The following EVI2B variants were observed in gnomAD, a reference collection of about 807,000 sequenced individuals.
The protein encoded by EVI2B is ecotropic viral integration site 2B.
EVI2B carries 4 observed loss-of-function variants against 6.6 expected under a neutral mutation model. The ratio of observed to expected loss-of-function variants is 0.61; its 90% CI spans 0.30 to 1.39. EVI2B has a LOEUF of 1.39. EVI2B is among the 40% of genes most tolerant of loss of function. The pLI is 0.08. For synonymous variants in EVI2B, 181 were observed against 186.8 expected (o/e 0.97, Z 0.25); for missense variants, 484 against 516.6 (o/e 0.94, Z 0.61).
At chr17:31,305,709 A>T in intron 1 of EVI2B, 79 bp from the exon 2 acceptor site, 1 of 1,216,476 alleles carries the variant, frequency 8.2e-7, no homozygotes, top group African/African-American at 1.5e-5. Context: ...TTTCATTATG[A>T]TTCCTGGCAT....
chr17:31,312,371 C>T (rs2068899203), intron 1 of EVI2B, among the ~76,000 whole-genome samples: 2 of 151,744 alleles, frequency 1.3e-5, no homozygotes, highest in South Asian at 4.2e-4. Flanking sequence ...ATTAGCCAGG[C>T]GTGGTGGTGG....
intron 1 of EVI2B, among the ~76,000 whole-genome samples, chr17:31,308,646 A>G (rs200152514): frequency 6.9e-6 from 1 of 145,006 alleles, no homozygotes; most frequent in Non-Finnish European, 1.5e-5. Context: ...TTTTTTTTTT[A>G]TTTTTCTTCC....
chr17:31,310,276 C>T (rs1049034702), intron 1 of EVI2B, among the ~76,000 whole-genome samples: 3 of 151,590 alleles, frequency 2.0e-5, no homozygotes, highest in African/African-American at 4.8e-5. Context: ...AAAACAAAAA[C>T]TCTAGGAAGC....
In EVI2B at chr17:31,304,274, C is replaced by T. The variant is rs766923911; in HGVS notation, c.1336G>A (p.Glu446Lys). The T allele has an allele frequency of 3.7e-6, 6 of 1,607,704 alleles. No individual in the cohort carries two copies. Among genetic ancestry groups the T allele is most frequent in the Non-Finnish European group, 5.1e-6 (6 of 1,177,372 alleles). ...GCAAGTTGTAATATTTATAACAGTT[C>T]TGCAGGTGGAGGTGGCAGGGATTCA... ...LNESLPPPPA[E>K]LL The change falls in exon 2 of 2, where the codon GAA (glutamate) becomes AAA (lysine). Residue 446 changes from glutamate (E) to lysine (K), a missense_variant. Glu to Lys is a moderately conservative substitution (Grantham distance 56). Coordinates refer to ENST00000330927, the MANE Select transcript of EVI2B (RefSeq NM_006495.4).
rs1555625971 is a variant in EVI2B, at chr17:31,313,720, A to ATG, written c.-22+258_-22+259insCA. 3.8e-3 allele frequency among the ~76,000 whole-genome samples: 380 copies of ATG among 101,196 alleles called. 2 individuals are homozygous for ATG. Among genetic ancestry groups the ATG allele is most frequent in the African/African-American group, 0.013 (355 of 26,668 alleles). The allele number at this position is 101,196 out of a possible 152,430, so 66.4% of individuals were successfully genotyped here. Reference sequence around the variant, plus strand: ...GACTCTATCTCAAAAAAAAAAAAAAATATGTGTGTGTGTGTGTGTGTGTGT... The same window carrying ATG: ...GACTCTATCTCAAAAAAAAAAAAAAATGTATGTGTGTGTGTGTGTGTGTGTGT... On this transcript the variant is annotated intron_variant, in intron 1 of 1. Coordinates refer to ENST00000330927, the MANE Select transcript of EVI2B (RefSeq NM_006495.4).
chr17:31,305,651 AAG>A (rs2151510561), intron 1 of EVI2B, 21 bp from the exon 2 acceptor site: 1 of 1,568,000 alleles, frequency 6.4e-7, no homozygotes, highest in Non-Finnish European at 8.6e-7. Flanking sequence ...TTTATAATGA[AAG>A]AGAAAGACAG....
rs772421430 is a variant in EVI2B, at chr17:31,304,921, T to C, written c.689A>G (p.Lys230Arg). 1.9e-6 allele frequency: 3 copies of C among 1,614,044 alleles called. No homozygotes were observed. Among genetic ancestry groups the C allele is most frequent in the African/African-American group, 1.3e-5 (1 of 74,926 alleles). ...CCAATTTTGATCATTTAAAACTGGT[T>C]TCCTTAAGCATTTCCAAAGTACAAT... ...IIIVLWKCLRKPVLNDQNWAG... is the reference protein window; with the variant it reads ...IIIVLWKCLRRPVLNDQNWAG... The change falls in exon 2 of 2, where the codon AAA becomes AGA. Residue 230 changes from lysine (K) to arginine (R), a missense_variant. Coordinates refer to ENST00000330927, the MANE Select transcript of EVI2B (RefSeq NM_006495.4).
In EVI2B at chr17:31,304,615, G is replaced by A; in HGVS notation, c.995C>T (p.Ser332Phe). ...TGGAGGCAGATCTGCATCATCTGAA[G>A]AAGAAACAGCAGTTCCAACTGTTGA... is the stretch of plus-strand genomic sequence containing the variant. ...DGSTVGTAVS[S>F]SDDADLPPPP... Residue 332 changes from serine to phenylalanine, a missense_variant, in exon 2 of 2, where the codon TCT (serine) becomes TTT (phenylalanine). By Grantham distance (155) the Ser-to-Phe change is radical. Transcript: ENST00000330927. 6.2e-7 allele frequency: 1 copy of A among 1,614,168 alleles called. No individual in the cohort carries two copies.
chr17:31,310,340 A>C (rs1426742267), intron 1 of EVI2B, among the ~76,000 whole-genome samples: 1 of 152,122 alleles, frequency 6.6e-6, no homozygotes. Flanking sequence ...GAAAAGAAGA[A>C]AAGTTAATAA....
intron 1 of EVI2B, among the ~76,000 whole-genome samples, chr17:31,311,154 T>C (rs542552740): frequency 2.6e-5 from 4 of 152,102 alleles, no homozygotes; most frequent in Admixed American, 2.0e-4. Flanking sequence ...GGTTTCACCA[T>C]GTCACCCAGA....
intron 1 of EVI2B, among the ~76,000 whole-genome samples, chr17:31,309,811 C>A (rs1298180917): frequency 3.3e-5 from 5 of 152,144 alleles, no homozygotes; most frequent in Admixed American, 6.5e-5. Flanking sequence ...GCTGGTGGAA[C>A]CCTCCATGTA....
chr17:31,310,083 C>G (rs1181915802), intron 1 of EVI2B, among the ~76,000 whole-genome samples: 3 of 151,962 alleles, frequency 2.0e-5, no homozygotes, highest in African/African-American at 7.3e-5. Context: ...GTAATGAGGC[C>G]AGCGTTACTA....
rs893 is a variant in EVI2B, at chr17:31,304,101, A to T, written c.*162T>A. ...AGATTACTGTTAAATAACTTTTTTT[A>T]AAAAAAAGTTTCATCTATGCACATA... On this transcript the variant is annotated 3_prime_UTR_variant, in exon 2 of 2. Transcript: ENST00000330927. The T allele has an allele frequency of 0.019, 11,084 of 598,558 alleles. 148 individuals carry two copies. Among genetic ancestry groups the T allele is most frequent in the African/African-American group, 0.028 (1,498 of 54,000 alleles). 37.1% of individuals were successfully genotyped at this position (598,558 alleles called of 1,614,324 possible). A position where few individuals can be genotyped will look rare whatever the true frequency, so the allele number is the denominator to read the frequency against.
chr17:31,305,934 G>A (rs903053344), intron 1 of EVI2B, among the ~76,000 whole-genome samples: 1 of 152,088 alleles, frequency 6.6e-6, no homozygotes, highest in African/African-American at 2.4e-5. Flanking sequence ...TTATATTTCA[G>A]TACTTCACTT....
At chr17:31,309,699 G>A (rs781445754) in intron 1 of EVI2B, among the ~76,000 whole-genome samples, 1 of 152,096 alleles carries the variant, frequency 6.6e-6, no homozygotes, top group African/African-American at 2.4e-5. Flanking sequence ...GCTGAAAAAG[G>A]CATTAGAGAA....
chr17:31,313,705 C>CAAA (rs371438778), intron 1 of EVI2B, among the ~76,000 whole-genome samples: 1 of 112,654 alleles, frequency 8.9e-6, no homozygotes, highest in Non-Finnish European at 1.9e-5. Flanking sequence ...GACTCTATCT[C>CAAA]AAAAAAAAAA....
chr17:31,312,742 A>T (rs2068911111), intron 1 of EVI2B, among the ~76,000 whole-genome samples: 1 of 152,154 alleles, frequency 6.6e-6, no homozygotes, highest in South Asian at 2.1e-4. Flanking sequence ...CACAGTAATT[A>T]CTTAGAAGAA....
chr17:31,310,439 G>T (rs1462783554), intron 1 of EVI2B, among the ~76,000 whole-genome samples: 3 of 151,670 alleles, frequency 2.0e-5, no homozygotes, highest in African/African-American at 7.3e-5. Flanking sequence ...GGGGTGGGGG[G>T]AGATGATTGA....
intron 1 of EVI2B, among the ~76,000 whole-genome samples, chr17:31,306,512 C>T (rs990409018): frequency 2.0e-4 from 31 of 152,160 alleles, no homozygotes; most frequent in African/African-American, 6.3e-4. Flanking sequence ...CTTCTCCCAA[C>T]TTCTCTGTAT....
Sources: gnomAD v4.1 joint callset for allele counts (sites outside exome capture counted in the v4.1 genomes callset) on GRCh38, gnomAD v4.1.1 for gene constraint, MANE v1.5 for transcripts, NCBI Gene and HGNC (gene_info 2026-07-23, HGNC 2026-07-21) for gene names.